The following TMEM164 variants were observed in gnomAD, a reference collection of about 807,000 sequenced individuals.
TMEM164 encodes transmembrane protein 164, also known as RP13-360B22.2.
In TMEM164, 4 loss-of-function variants were observed where a neutral mutation model predicts 18.8. The ratio of observed to expected loss-of-function variants is 0.21; its 90% CI spans 0.10 to 0.49. The LOEUF is 0.49. TMEM164 is among the 20% of genes least tolerant of loss of function. TMEM164 has a pLI of 0.98. For missense variants in TMEM164, 108 were observed against 239.9 expected, an observed-to-expected ratio of 0.45 and a Z score of 3.63; for synonymous variants, 86 against 101.7, an observed-to-expected ratio of 0.85 and a Z score of 0.93.
At chrX:110,183,565 A>C (rs2067331034), downstream of TMEM164, among the ~76,000 whole-genome samples, 1 of 111,967 alleles carries the variant, frequency 8.9e-6, no homozygotes, top group Non-Finnish European at 1.9e-5. Context: ...ACCTGGCAGC[A>C]CATTTGTTAG....
At chrX:110,070,107 G>A (rs112526507) in intron 3 of TMEM164, among the ~76,000 whole-genome samples, 25,712 of 110,492 alleles carry the variant, frequency 0.23, 3,459 homozygotes, top group African/African-American at 0.51. Flanking sequence ...CTTGAGGTCA[G>A]GAGTTCGAGA....
At chrX:110,156,768 GGGCAA>G (rs1041438297) in intron 5 of TMEM164, among the ~76,000 whole-genome samples, 9 of 111,363 alleles carry the variant, frequency 8.1e-5, no homozygotes, top group African/African-American at 2.6e-4. Flanking sequence ...CACGTGGAAG[GGGCAA>G]GCAGGCTTCC....
chrX:110,055,096 C>T (rs374535867), intron 2 of TMEM164, among the ~76,000 whole-genome samples: 112 of 111,642 alleles, frequency 1.0e-3, no homozygotes, highest in Middle Eastern at 4.6e-3. Context: ...GTGTCCTGTT[C>T]TCTCTCCACT....
intron 2 of TMEM164, among the ~76,000 whole-genome samples, chrX:110,066,855 G>A (rs1298993186): frequency 9.0e-6 from 1 of 111,539 alleles, no homozygotes; most frequent in Non-Finnish European, 1.9e-5. Context: ...TGATAGGGTT[G>A]CCAGCTAAAA....
intron 2 of TMEM164, among the ~76,000 whole-genome samples, chrX:110,049,225 A>G (rs1335231289): frequency 9.0e-6 from 1 of 111,465 alleles, no homozygotes; most frequent in South Asian, 3.8e-4. Context: ...TTGCCTTCTC[A>G]TTGTGACTCT....
intron 2 of TMEM164, among the ~76,000 whole-genome samples, chrX:110,036,603 C>T (rs1411306975): frequency 8.9e-6 from 1 of 112,306 alleles, no homozygotes; most frequent in Admixed American, 9.4e-5. Context: ...GTTGCAATTA[C>T]CTGTGATGTT....
At chrX:110,156,342 T>C (rs1187573784) in intron 5 of TMEM164, among the ~76,000 whole-genome samples, 2 of 112,427 alleles carry the variant, frequency 1.8e-5, no homozygotes, top group Non-Finnish European at 3.7e-5. Context: ...GTTGTCTGTA[T>C]TTTGCCACTA....
chrX:110,070,795 G>A (rs776269252), intron 3 of TMEM164, among the ~76,000 whole-genome samples: 2 of 111,142 alleles, frequency 1.8e-5, no homozygotes, highest in East Asian at 2.8e-4. Context: ...CCCCAACCAC[G>A]CCGTAATGAG....
At chrX:110,179,960 G>A (rs1439216279), downstream of TMEM164, among the ~76,000 whole-genome samples, 5 of 112,094 alleles carry the variant, frequency 4.5e-5, no homozygotes, top group African/African-American at 1.6e-4. Flanking sequence ...TCCTGGATGG[G>A]GCTGGGATGC....
intron 5 of TMEM164, among the ~76,000 whole-genome samples, chrX:110,162,533 C>T (rs935914158): frequency 8.9e-6 from 1 of 112,026 alleles, no homozygotes; most frequent in Non-Finnish European, 1.9e-5. Flanking sequence ...CCAGGACATC[C>T]TCCACTTCCA....
intron 3 of TMEM164, among the ~76,000 whole-genome samples, chrX:110,106,654 G>A (rs1008722147): frequency 6.3e-5 from 7 of 111,812 alleles, no homozygotes; most frequent in African/African-American, 2.3e-4. Context: ...GATTACAGGT[G>A]TGAGTCACCA....
At chrX:110,064,575 TA>T (rs1936247953) in intron 2 of TMEM164, among the ~76,000 whole-genome samples, 1 of 111,510 alleles carries the variant, frequency 9.0e-6, no homozygotes, top group Non-Finnish European at 1.9e-5. Flanking sequence ...GCAATATGAA[TA>T]ATCAGGAATC....
intron 4 of TMEM164, among the ~76,000 whole-genome samples, chrX:110,123,418 T>C (rs1433055775): frequency 2.7e-5 from 3 of 111,371 alleles, no homozygotes; most frequent in African/African-American, 9.8e-5. Flanking sequence ...AAAGCAAAGT[T>C]GAAAGAAAGC....
chrX:110,109,035 T>C (rs1382485817), intron 3 of TMEM164, 45 bp from the exon 4 acceptor site: 1 of 1,155,847 alleles, frequency 8.7e-7, no homozygotes, highest in South Asian at 1.8e-5. Flanking sequence ...TCCCTTTGTA[T>C]CAGGGTCTGA....
intron 4 of TMEM164, among the ~76,000 whole-genome samples, chrX:110,112,674 T>G (rs1264234210): frequency 8.9e-6 from 1 of 112,221 alleles, no homozygotes; most frequent in Non-Finnish European, 1.9e-5. Context: ...AAGATCACAG[T>G]GCGCCAGCAA....
At chrX:110,178,874 A>G (rs1183816616), downstream of TMEM164, among the ~76,000 whole-genome samples, 1 of 111,933 alleles carries the variant, frequency 8.9e-6, no homozygotes, top group Non-Finnish European at 1.9e-5. Context: ...GGAATTGGAA[A>G]CTAGTTTTGT....
At chrX:110,099,041 G>A (rs1372052277) in intron 3 of TMEM164, among the ~76,000 whole-genome samples, 1 of 101,479 alleles carries the variant, frequency 9.9e-6, no homozygotes, top group African/African-American at 3.7e-5. Flanking sequence ...CTTGTGATCT[G>A]CCCACCTTGG....
rs1184819445 is a variant in TMEM164 at position 110,062,002 on chromosome X, C to G, written c.391-5345C>G. Reference sequence around the variant, plus strand: ...AATGTTAAGAAAACAATAGGTGACTCTGTAATCCCACTGTTATAAAAGATT... The same window carrying G: ...AATGTTAAGAAAACAATAGGTGACTGTGTAATCCCACTGTTATAAAAGATT... On this transcript the variant is annotated intron_variant, in intron 2 of 6. Transcript: ENST00000372068. Among the ~76,000 whole-genome samples, 3 of 111,537 alleles carry G rather than the reference C, an allele frequency of 2.7e-5. No homozygotes were observed. In the East Asian group the frequency reaches 8.4e-4, roughly 31 times the overall value.
chrX:110,173,561 G>A lies in TMEM164; in HGVS notation c.*110G>A. 1.5e-6 allele frequency: 1 copy of A among 655,638 alleles called. No individual in the cohort carries two copies. Among genetic ancestry groups the A allele is most frequent in the Non-Finnish European group, 2.3e-6 (1 of 440,654 alleles). The allele number at this position is 655,638 out of a possible 1,213,427, so 54.0% of individuals were successfully genotyped here. A position where few individuals can be genotyped will look rare whatever the true frequency, so the allele number is the denominator to read the frequency against. On this transcript the variant is annotated 3_prime_UTR_variant, in exon 7 of 7. Transcript: ENST00000372068. ...GGGAGAGGGCAGTAGGATGTTTGGT[G>A]TATTTCTTTTTCCTCCTTTCTGTCC...
Sources: gnomAD v4.1 joint callset for allele counts (sites outside exome capture counted in the v4.1 genomes callset) on GRCh38, gnomAD v4.1.1 for gene constraint, MANE v1.5 for transcripts, NCBI Gene and HGNC (gene_info 2026-07-23, HGNC 2026-07-21) for gene names.